Variants in VPS13D observed in about 807,000 individuals in gnomAD.
The protein encoded by VPS13D is vacuolar protein sorting 13 homolog D.
A neutral mutation model predicts 461.9 loss-of-function variants in VPS13D; 187 were observed. The ratio of observed to expected loss-of-function variants is 0.40; its 90% CI spans 0.36 to 0.46. The LOEUF (loss-of-function observed/expected upper bound fraction) is 0.46, where lower values mean the gene tolerates loss of function less well. VPS13D is among the 20% of genes least tolerant of loss of function. The pLI, the probability that VPS13D is intolerant of heterozygous loss-of-function variation, is 0.60. For synonymous variants in VPS13D, 1,951 were observed against 1,986.3 expected (o/e 0.98, Z 0.47); for missense variants, 4,711 against 5,364.9 (o/e 0.88, Z 3.81).
At chr1:12,369,393 C>T in intron 53 of VPS13D, 74 bp from the exon 54 acceptor site, 1 of 1,372,314 alleles carries the variant, frequency 7.3e-7, no homozygotes, top group Non-Finnish European at 1.0e-6. Flanking sequence ...CTTAAACCTA[C>T]AAAGCACTGA....
At chr1:12,381,962 CTT>C (rs1286975082) in intron 57 of VPS13D, among the ~76,000 whole-genome samples, 3 of 135,004 alleles carry the variant, frequency 2.2e-5, no homozygotes, top group Non-Finnish European at 4.7e-5. Context: ...TTCTTTCTTT[CTT>C]TCTTTCTTTC....
intron 2 of VPS13D, among the ~76,000 whole-genome samples, chr1:12,238,528 T>C (rs1223914288): frequency 6.6e-6 from 1 of 151,826 alleles, no homozygotes; most frequent in Admixed American, 6.6e-5. Flanking sequence ...CCTCAAAAAT[T>C]GAGAAACTAA....
At chr1:12,243,343 C>T (rs950892678) in intron 3 of VPS13D, among the ~76,000 whole-genome samples, 1 of 152,192 alleles carries the variant, frequency 6.6e-6, no homozygotes, top group Admixed American at 6.5e-5. Flanking sequence ...TAGCTCACTA[C>T]AGCTTTGAAC....
intron 68 of VPS13D, among the ~76,000 whole-genome samples, chr1:12,506,422 G>A (rs554998594): frequency 6.6e-6 from 1 of 152,332 alleles, no homozygotes; most frequent in East Asian, 1.9e-4. Context: ...CGGATGGGGA[G>A]GTGCAGGTGT....
At chr1:12,382,231 A>C (rs1054144493) in intron 57 of VPS13D, among the ~76,000 whole-genome samples, 1 of 151,908 alleles carries the variant, frequency 6.6e-6, no homozygotes, top group African/African-American at 2.4e-5. Flanking sequence ...CCTCCTGAGT[A>C]GCTGGGATTA....
At chr1:12,419,636 C>A (rs771693622) in intron 65 of VPS13D, among the ~76,000 whole-genome samples, 7 of 152,084 alleles carry the variant, frequency 4.6e-5, no homozygotes, top group Non-Finnish European at 8.8e-5. Context: ...AGAACTTGCT[C>A]AATATCATGA....
intron 37 of VPS13D, among the ~76,000 whole-genome samples, chr1:12,331,236 A>G (rs1185496590): frequency 6.6e-6 from 1 of 152,210 alleles, no homozygotes; most frequent in African/African-American, 2.4e-5. Flanking sequence ...GAATAATCAG[A>G]GTAGTGCTGG....
chr1:12,482,314 G>A (rs1440789897), intron 67 of VPS13D, among the ~76,000 whole-genome samples: 2 of 152,314 alleles, frequency 1.3e-5, no homozygotes, highest in South Asian at 4.1e-4. Flanking sequence ...ACTAAGCCTG[G>A]CCATTCTGAC....
At chr1:12,332,369 G>A (rs1643353468) in intron 37 of VPS13D, among the ~76,000 whole-genome samples, 1 of 152,228 alleles carries the variant, frequency 6.6e-6, no homozygotes, top group Non-Finnish European at 1.5e-5. Context: ...ATATTCAGTA[G>A]TGAAAACAAT....
rs976956462 is a variant in VPS13D at position 12,366,340 on chromosome 1, T to C, written c.10449-2128T>C. Among the ~76,000 whole-genome samples, 3 of 152,212 alleles carry C rather than the reference T, an allele frequency of 2.0e-5. No individual in the cohort carries two copies. The South Asian group carries it at 6.2e-4, about 32-fold the overall frequency. On this transcript the variant is annotated intron_variant, in intron 52 of 69. Transcript: ENST00000620676. ...ATATAGTGGGTTTTAGGCTATGTTTTTAGGAGCTGTTGGGTTTTAAGGAGG... is the reference window on the plus strand; with the variant it reads ...ATATAGTGGGTTTTAGGCTATGTTTCTAGGAGCTGTTGGGTTTTAAGGAGG...
chr1:12,297,064 C>G (rs1220799550), intron 24 of VPS13D, among the ~76,000 whole-genome samples: 2 of 152,114 alleles, frequency 1.3e-5, no homozygotes, highest in East Asian at 3.8e-4. Flanking sequence ...TTAATTCTAG[C>G]TGTTTGAATT....
intron 65 of VPS13D, among the ~76,000 whole-genome samples, chr1:12,453,685 G>A (rs1046628951): frequency 3.3e-5 from 5 of 152,184 alleles, no homozygotes; most frequent in African/African-American, 1.2e-4. Context: ...CCTGCTGACT[G>A]TTTTGTGTAT....
At chr1:12,291,603 A>ACAAGAGCGAAAC (rs1642133754) in intron 23 of VPS13D, among the ~76,000 whole-genome samples, 1 of 152,114 alleles carries the variant, frequency 6.6e-6, no homozygotes, top group East Asian at 1.9e-4. Context: ...AGCCTGGGTG[A>ACAAGAGCGAAAC]TGGAGGGGGG....
chr1:12,469,324 C>G (rs1004707533), intron 67 of VPS13D, among the ~76,000 whole-genome samples: 5 of 152,144 alleles, frequency 3.3e-5, no homozygotes, highest in African/African-American at 1.2e-4. Flanking sequence ...ATAGTATTCT[C>G]TAATGAGTAT....
In VPS13D at chr1:12,288,212, T is replaced by G. The variant is rs1389105693; in HGVS notation, c.5635-11T>G. The G allele has an allele frequency of 1.2e-6, 2 of 1,607,868 alleles. No individual in the cohort carries two copies. The highest frequency in any genetic ancestry group is 2.7e-5 in the African/African-American group (2 of 74,860). On this transcript the variant is annotated splice_polypyrimidine_tract_variant and intron_variant, in intron 21 of 69. Transcript: ENST00000620676. ...GTAATATTGGCCTTGCTTTATCTTG[T>G]CTGTTCCTAGGTTCATTCACTTTCT...
Position 12,356,497 on chromosome 1 carries a change from G to A in VPS13D, c.9971G>A (p.Cys3324Tyr). Reference sequence around the variant, plus strand: ...CGTAGCCTGAGTCCTCTCTTATTCTGCTATGCTGACAAAGAGCAGCCAAAC... The same window carrying A: ...CGTAGCCTGAGTCCTCTCTTATTCTACTATGCTGACAAAGAGCAGCCAAAC... ...LARSLSPLLF[C>Y]YADKEQPNLC... Residue 3324 changes from cysteine to tyrosine, a missense_variant, in exon 49 of 70, where the codon TGC becomes TAC. Cys to Tyr is a radical substitution (Grantham distance 194, BLOSUM62 -2). Around this residue, in one of 3 missense-constraint regions of VPS13D, gnomAD observed 4,411 missense variants for 4,937.8 expected, o/e 0.89. Coordinates refer to ENST00000620676, the MANE Select transcript of VPS13D (RefSeq NM_015378.4). 6.2e-7 allele frequency: 1 copy of A among 1,613,904 alleles called. No individual in the cohort carries two copies. The highest frequency in any genetic ancestry group is 2.2e-5 in the East Asian group (1 of 44,892).
chr1:12,394,590 A>C (rs1426766802), intron 60 of VPS13D, among the ~76,000 whole-genome samples: 1 of 152,192 alleles, frequency 6.6e-6, no homozygotes, highest in African/African-American at 2.4e-5. Flanking sequence ...TCAAAGATGC[A>C]GGTGCTGCCC....
chr1:12,504,973 G>C (rs934034711), intron 68 of VPS13D, among the ~76,000 whole-genome samples: 2 of 152,336 alleles, frequency 1.3e-5, no homozygotes, highest in Admixed American at 1.3e-4. Flanking sequence ...CAATGAGGTG[G>C]AAGTGCCTGT....
chr1:12,370,195 C>G (rs186279716), intron 54 of VPS13D, among the ~76,000 whole-genome samples: 72 of 152,200 alleles, frequency 4.7e-4, no homozygotes, highest in Non-Finnish European at 3.1e-4. Context: ...TGTTGTTTGA[C>G]TAGTTGTATT....
Sources: gnomAD v4.1 joint callset for allele counts (sites outside exome capture counted in the v4.1 genomes callset) on GRCh38, gnomAD v4.1.1 for gene constraint, gnomAD v4.1.1 regional missense constraint, MANE v1.5 for transcripts, NCBI Gene and HGNC (gene_info 2026-07-23, HGNC 2026-07-21) for gene names.